The following SQSTM1 variants were observed in gnomAD, a reference collection of about 807,000 sequenced individuals.
SQSTM1 encodes the protein sequestosome 1, also known as sequestosome-1.
SQSTM1 carries 36 observed loss-of-function variants against 45.1 expected under a neutral mutation model. The observed-to-expected ratio is 0.80, with a 90% CI of 0.61 to 1.05. The LOEUF is 1.05. SQSTM1 is among the 50% of genes least tolerant of loss of function. The pLI is 0.00. For synonymous variants in SQSTM1, 290 were observed against 244.3 expected, an observed-to-expected ratio of 1.19 and a Z score of -1.74; for missense variants, 617 against 607.1, an observed-to-expected ratio of 1.02 and a Z score of -0.17.
intron 4 of SQSTM1, 32 bp from the exon 5 acceptor site, chr5:179,825,114 A>C (rs368242293): frequency 3.1e-6 from 5 of 1,607,958 alleles, no homozygotes; most frequent in Non-Finnish European, 4.3e-6. Flanking sequence ...GGCATTAAAG[A>C]TATCTTTATC....
chr5:179,833,991 T>C (rs954239547), intron 7 of SQSTM1, among the ~76,000 whole-genome samples: 1 of 151,934 alleles, frequency 6.6e-6, no homozygotes, highest in Non-Finnish European at 1.5e-5. Flanking sequence ...TCTGAAAATG[T>C]TTTTCTTTAG....
intron 2 of SQSTM1, 46 bp from the exon 3 acceptor site, chr5:179,823,812 A>G (rs1302634061): frequency 3.4e-5 from 54 of 1,590,906 alleles, no homozygotes; most frequent in Admixed American, 6.7e-5. Context: ...GAGGGGGAGG[A>G]CTTTAGGGGG....
intron 5 of SQSTM1, among the ~76,000 whole-genome samples, chr5:179,831,974 G>C (rs750823488): frequency 6.6e-6 from 1 of 151,984 alleles, no homozygotes; most frequent in African/African-American, 2.4e-5. Flanking sequence ...TAGTAGAGAC[G>C]GGGTTTCACC....
chr5:179,807,012 G>T (rs1757198559), intron 1 of SQSTM1: 1 of 151,444 alleles, frequency 6.6e-6, no homozygotes, highest in African/African-American at 2.4e-5. Flanking sequence ...CGGATTTAAA[G>T]GGGCCGCAGC....
At chr5:179,825,410 A>G (rs970675949) in intron 5 of SQSTM1, among the ~76,000 whole-genome samples, 184 bp downstream of exon 5, 2 of 152,220 alleles carry the variant, frequency 1.3e-5, no homozygotes, top group Non-Finnish European at 2.9e-5. Flanking sequence ...CCCTGACAAA[A>G]TTCTCGAGCT....
At chr5:179,810,249 C>T (rs1757356825) in intron 1 of SQSTM1, among the ~76,000 whole-genome samples, 1 of 152,106 alleles carries the variant, frequency 6.6e-6, no homozygotes, top group South Asian at 2.1e-4. Context: ...GATATATCTC[C>T]TAATGCTATC....
chr5:179,812,232 A>G (rs1221648316), intron 2 of SQSTM1: 2 of 152,426 alleles, frequency 1.3e-5, no homozygotes, highest in South Asian at 2.1e-4. Context: ...TTCCAGTGCA[A>G]ATGTCCGCAG....
At chr5:179,834,635 CAAGCATCTGTTTAACA>C (rs1261951949) in intron 7 of SQSTM1, among the ~76,000 whole-genome samples, 5 of 151,934 alleles carry the variant, frequency 3.3e-5, no homozygotes, top group Non-Finnish European at 5.9e-5. Flanking sequence ...ATGCTGCCTT[CAAGCATCTGTTTAACA>C]AAGCACATCT....
intron 4 of SQSTM1, 81 bp from the exon 5 acceptor site, chr5:179,825,065 C>A (rs1436652378): frequency 7.0e-7 from 1 of 1,437,900 alleles, no homozygotes; most frequent in Non-Finnish European, 9.8e-7. Flanking sequence ...AACACAGGGA[C>A]CTTGGCAAGA....
chr5:179,827,062 C>T (rs943418503), intron 5 of SQSTM1, among the ~76,000 whole-genome samples: 2 of 152,136 alleles, frequency 1.3e-5, no homozygotes, highest in African/African-American at 4.8e-5. Context: ...AAGGAGACAT[C>T]CCGGGAAGTC....
In SQSTM1 at chr5:179,837,120, G is replaced by C. The variant is rs1344671271; in HGVS notation, c.*527G>C. On this transcript the variant is annotated 3_prime_UTR_variant, in exon 8 of 8. Coordinates refer to ENST00000389805, the MANE Select transcript of SQSTM1 (RefSeq NM_003900.5). ...ATCCGCAATGTTGGTTTCACTGAGA[G>C]CTGCCTCCTGGTCTCTTCACCACTG... 5 of 1,134,642 alleles carry C rather than the reference G, an allele frequency of 4.4e-6. No individual in the cohort carries two copies. In the East Asian group the frequency reaches 7.7e-5, roughly 17 times the overall value. The allele number at this position is 1,134,642 out of a possible 1,614,324, so 70.3% of individuals were successfully genotyped here.
intron 2 of SQSTM1, 117 bp from the exon 3 acceptor site, chr5:179,823,741 T>C (rs1382402972): frequency 8.6e-7 from 1 of 1,158,422 alleles, no homozygotes; most frequent in East Asian, 2.4e-5. Flanking sequence ...TTTGTGTGGA[T>C]TCCATGCTGG....
At chr5:179,821,258 C>G (rs1424848249) in intron 1 of SQSTM1, 117 bp downstream of exon 1, 10 of 1,042,732 alleles carry the variant, frequency 9.6e-6, no homozygotes, top group Non-Finnish European at 1.3e-5. Context: ...GGGGTCTGCG[C>G]TGGCTGCTCC....
chr5:179,826,943 G>A (rs998022675), intron 5 of SQSTM1, among the ~76,000 whole-genome samples: 4 of 152,118 alleles, frequency 2.6e-5, no homozygotes, highest in Non-Finnish European at 5.9e-5. Context: ...GGTCATGATT[G>A]AGAGATCGGC....
intron 5 of SQSTM1, among the ~76,000 whole-genome samples, chr5:179,831,134 G>C (rs1758192870): frequency 6.6e-6 from 1 of 152,234 alleles, no homozygotes; most frequent in African/African-American, 2.4e-5. Flanking sequence ...ATGAAGCACA[G>C]AGGTATTAGG....
upstream of SQSTM1, among the ~76,000 whole-genome samples, chr5:179,815,461 C>T (rs1292900793): frequency 2.0e-5 from 3 of 151,912 alleles, no homozygotes; most frequent in African/African-American, 7.3e-5. Context: ...ATGGGGTATA[C>T]GTCATGGGTC....
rs1331329975 is a variant in SQSTM1, at chr5:179,837,459, G to T, written c.*866G>T. On this transcript the variant is annotated 3_prime_UTR_variant, in exon 8 of 8. Coordinates refer to ENST00000389805, the MANE Select transcript of SQSTM1 (RefSeq NM_003900.5). ...CATAGTCGTGTGGGTCGAGGATTCT[G>T]TGCCTCCAGGACCAGGGGCCCACCC... The T allele has an allele frequency of 6.2e-7, 1 of 1,613,088 alleles. No homozygotes were observed. The highest frequency in any genetic ancestry group is 8.5e-7 in the Non-Finnish European group (1 of 1,179,330).
At position 179,833,169 on chromosome 5, in the gene SQSTM1, G is replaced by A. The variant is rs2113510972; in HGVS notation, c.892G>A (p.Gly298Arg). 1 of 1,614,088 alleles carries A rather than the reference G, an allele frequency of 6.2e-7. No individual in the cohort carries two copies. Among genetic ancestry groups the A allele is most frequent in the Non-Finnish European group, 8.5e-7 (1 of 1,179,986 alleles). The change falls in exon 6 of 8, where the codon GGG (glycine) becomes AGG (arginine). Residue 298 changes from glycine (G) to arginine (R), a missense_variant. Physicochemically the swap from Gly to Arg is moderately radical, Grantham distance 125 (BLOSUM62 -2). Transcript: ENST00000389805. ...CTGCTCTGACCCCAGCAAGCCGGGT[G>A]GGAATGTTGAGGGCGCCACGCAGTC... Reference protein sequence around the residue: ...SCCSDPSKPGGNVEGATQSLA... With the variant: ...SCCSDPSKPGRNVEGATQSLA...
chr5:179,823,380 C>T (rs1757856582), intron 2 of SQSTM1, among the ~76,000 whole-genome samples: 1 of 122,082 alleles, frequency 8.2e-6, no homozygotes, highest in African/African-American at 3.2e-5. Context: ...ACGAGAATCA[C>T]TTAAACCTGG....
Sources: gnomAD v4.1 joint callset for allele counts (sites outside exome capture counted in the v4.1 genomes callset) on GRCh38, gnomAD v4.1.1 for gene constraint, MANE v1.5 for transcripts, NCBI Gene and HGNC (gene_info 2026-07-23, HGNC 2026-07-21) for gene names.